UBE2H: variants seen among roughly 807,000 people sequenced by gnomAD.
UBE2H encodes the protein ubiquitin conjugating enzyme E2 H.
UBE2H carries 3 observed loss-of-function variants against 29.0 expected under a neutral mutation model. The ratio of observed to expected loss-of-function variants is 0.10; its 90% CI spans 0.05 to 0.27. The LOEUF (loss-of-function observed/expected upper bound fraction) is 0.27, where lower values mean the gene tolerates loss of function less well. Ranked by LOEUF, UBE2H falls within the 10% of genes least tolerant of loss-of-function variation. The pLI, the probability that UBE2H is intolerant of heterozygous loss-of-function variation, is 1.00. For synonymous variants in UBE2H, 69 were observed against 82.9 expected (o/e 0.83, Z 0.91); for missense variants, 68 against 228.2 (o/e 0.30, Z 4.52).
chr7:129,861,093 C>T (rs1231501136), intron 3 of UBE2H, among the ~76,000 whole-genome samples: 5 of 151,950 alleles, frequency 3.3e-5, no homozygotes, highest in African/African-American at 2.4e-5. Context: ...AGTGTGGTGG[C>T]GTGTGCCTGT....
intron 1 of UBE2H, among the ~76,000 whole-genome samples, chr7:129,947,021 G>A (rs151044532): frequency 6.8e-6 from 1 of 148,096 alleles, no homozygotes; most frequent in Admixed American, 6.9e-5. Context: ...CAGGTCAAGG[G>A]GCTAAGAAAA....
intron 6 of UBE2H, among the ~76,000 whole-genome samples, chr7:129,836,247 G>T (rs1288240660): frequency 6.6e-6 from 1 of 152,158 alleles, no homozygotes; most frequent in Admixed American, 6.5e-5. Context: ...TTCCTTTGTA[G>T]AAGATAAATA....
At chr7:129,840,193 GT>G (rs904863454) in intron 5 of UBE2H, among the ~76,000 whole-genome samples, 6 of 148,832 alleles carry the variant, frequency 4.0e-5, no homozygotes, top group African/African-American at 1.2e-4. Context: ...ATTTAAAAAA[GT>G]TTTTTTTTTG....
At chr7:129,871,040 T>C (rs1220975289) in intron 3 of UBE2H, among the ~76,000 whole-genome samples, 2 of 152,260 alleles carry the variant, frequency 1.3e-5, no homozygotes, top group East Asian at 1.9e-4. Flanking sequence ...TTCCTGAATA[T>C]CTGATCCAAG....
intron 1 of UBE2H, among the ~76,000 whole-genome samples, chr7:129,902,191 T>C (rs892977098): frequency 6.6e-6 from 1 of 152,116 alleles, no homozygotes; most frequent in African/African-American, 2.4e-5. Context: ...AAACTACATA[T>C]AAGTCTCTTA....
At chr7:129,897,906 A>G (rs1356392229) in intron 1 of UBE2H, among the ~76,000 whole-genome samples, 5 of 152,232 alleles carry the variant, frequency 3.3e-5, no homozygotes, top group African/African-American at 1.2e-4. Flanking sequence ...ACCTTATTTG[A>G]TAATACGTTC....
chr7:129,889,419 G>C (rs750560879), intron 1 of UBE2H, among the ~76,000 whole-genome samples: 3 of 152,072 alleles, frequency 2.0e-5, no homozygotes, highest in Non-Finnish European at 4.4e-5. Context: ...TAATTTTCAT[G>C]ACAAAACAAA....
intron 4 of UBE2H, among the ~76,000 whole-genome samples, chr7:129,858,072 T>G (rs1464590771): frequency 6.6e-6 from 1 of 152,158 alleles, no homozygotes; most frequent in African/African-American, 2.4e-5. Flanking sequence ...GACAACTAAA[T>G]GTAATGTGTG....
At chr7:129,835,195 C>T in intron 6 of UBE2H, 134 bp from the exon 7 acceptor site, 1 of 1,284,214 alleles carries the variant, frequency 7.8e-7, no homozygotes, top group Non-Finnish European at 1.1e-6. Flanking sequence ...TGACAGTAAT[C>T]ATGATCACTA....
At chr7:129,882,828 A>C (rs1288814950) in intron 1 of UBE2H, among the ~76,000 whole-genome samples, 1 of 152,256 alleles carries the variant, frequency 6.6e-6, no homozygotes, top group Admixed American at 6.5e-5. Context: ...TCCTTGTGTC[A>C]CGTAAAAAAA....
chr7:129,854,071 T>G (rs988193815), intron 5 of UBE2H, among the ~76,000 whole-genome samples: 3 of 150,030 alleles, frequency 2.0e-5, no homozygotes, highest in East Asian at 3.9e-4. Context: ...TTTTTTTTTT[T>G]TTTTTTTTTT....
At chr7:129,900,779 C>T (rs1806697302) in intron 1 of UBE2H, among the ~76,000 whole-genome samples, 1 of 139,532 alleles carries the variant, frequency 7.2e-6, no homozygotes, top group African/African-American at 2.7e-5. Flanking sequence ...GAGACAGAGT[C>T]TCACTCTGTC....
chr7:129,942,841 G>GT lies in UBE2H; in HGVS notation c.53+9661dup, dbSNP rs200758048. ...TGACTATGATCCTAAAGTGTAATGT[G>GT]TTTTTTTTTTTGTTTTTTGAGATGG... On this transcript the variant is annotated intron_variant, in intron 1 of 6. Transcript: ENST00000355621. Among the ~76,000 whole-genome samples, 836 of 146,444 alleles carry GT rather than the reference G, an allele frequency of 5.7e-3. 6 individuals are homozygous for GT. Among genetic ancestry groups the GT allele is most frequent in the African/African-American group, 0.012 (493 of 40,128 alleles).
chr7:129,857,622 C>A, intron 4 of UBE2H, 59 bp from the exon 5 acceptor site: 1 of 1,551,944 alleles, frequency 6.4e-7, no homozygotes, highest in South Asian at 1.2e-5. Context: ...TTGCATGTAT[C>A]TGGCAACTAA....
At chr7:129,852,119 C>T (rs1805621330) in intron 5 of UBE2H, among the ~76,000 whole-genome samples, 1 of 152,130 alleles carries the variant, frequency 6.6e-6, no homozygotes, top group African/African-American at 2.4e-5. Flanking sequence ...ATTAATCATC[C>T]ATGAAGACAC....
chr7:129,900,731 A>G (rs1397683851), intron 1 of UBE2H, among the ~76,000 whole-genome samples: 3 of 150,388 alleles, frequency 2.0e-5, no homozygotes, highest in Non-Finnish European at 4.4e-5. Flanking sequence ...ATAGCATCGT[A>G]TGATTAAGAT....
chr7:129,921,694 C>CAAA (rs1047164274), intron 1 of UBE2H, among the ~76,000 whole-genome samples: 103 of 68,258 alleles, frequency 1.5e-3, no homozygotes, highest in African/African-American at 2.5e-3. Context: ...GACTCTGTCA[C>CAAA]AAAAAAAAAA....
intron 5 of UBE2H, among the ~76,000 whole-genome samples, chr7:129,854,029 C>CCAACTTT (rs1250814641): frequency 6.8e-6 from 1 of 147,188 alleles, no homozygotes; most frequent in Non-Finnish European, 1.5e-5. Flanking sequence ...TGTTGACACG[C>CCAACTTT]CAACTTTCTC....
chr7:129,848,516 A>G (rs1475259397), intron 5 of UBE2H, among the ~76,000 whole-genome samples: 1 of 152,202 alleles, frequency 6.6e-6, no homozygotes, highest in Non-Finnish European at 1.5e-5. Flanking sequence ...TCACAAGTCA[A>G]TTGTTGTCTA....
Sources: gnomAD v4.1 joint callset for allele counts (sites outside exome capture counted in the v4.1 genomes callset) on GRCh38, gnomAD v4.1.1 for gene constraint, MANE v1.5 for transcripts, NCBI Gene and HGNC (gene_info 2026-07-23, HGNC 2026-07-21) for gene names.